The following CDH13 variants were observed in gnomAD, a reference collection of about 807,000 sequenced individuals.
CDH13 encodes cadherin 13, also known as cadherin-13.
A neutral mutation model predicts 63.8 loss-of-function variants in CDH13; 24 were observed. The ratio of observed to expected loss-of-function variants is 0.38; its 90% CI spans 0.27 to 0.53. The LOEUF (loss-of-function observed/expected upper bound fraction) is 0.53. Among genes scored for constraint, CDH13 ranks in the 20% least tolerant of loss-of-function variants. The pLI is 0.85. For synonymous variants in CDH13, 503 were observed against 355.3 expected (o/e 1.42, Z -4.67); for missense variants, 1,049 against 903.1 (o/e 1.16, Z -2.07).
intron 6 of CDH13, among the ~76,000 whole-genome samples, chr16:83,374,222 A>G (rs551407587): frequency 2.6e-5 from 4 of 152,344 alleles, no homozygotes; most frequent in East Asian, 1.9e-4. Flanking sequence ...AGAAAAGTCA[A>G]TAGTGTGCCC....
At chr16:83,120,290 G>A (rs2035506685) in intron 3 of CDH13, among the ~76,000 whole-genome samples, 1 of 152,208 alleles carries the variant, frequency 6.6e-6, no homozygotes, top group South Asian at 2.1e-4. Context: ...TGGAGTTGAT[G>A]AGCTGGTGAG....
intron 7 of CDH13, among the ~76,000 whole-genome samples, chr16:83,518,300 C>T (rs1370294615): frequency 6.6e-6 from 1 of 151,668 alleles, no homozygotes; most frequent in African/African-American, 2.4e-5. Context: ...CATGCCACCA[C>T]ACGTGGCTAA....
chr16:82,628,497 A>C (rs1907626255), intron 1 of CDH13, among the ~76,000 whole-genome samples: 1 of 152,110 alleles, frequency 6.6e-6, no homozygotes, highest in Non-Finnish European at 1.5e-5. Flanking sequence ...AAATGGGCTA[A>C]CATCTCAGAA....
At chr16:83,058,282 C>G (rs1052576064) in intron 3 of CDH13, among the ~76,000 whole-genome samples, 1 of 152,122 alleles carries the variant, frequency 6.6e-6, no homozygotes, top group East Asian at 1.9e-4. Flanking sequence ...CTGGATTTCG[C>G]TGCACTCATC....
intron 3 of CDH13, among the ~76,000 whole-genome samples, chr16:83,040,157 C>T (rs889271112): frequency 3.3e-5 from 5 of 151,958 alleles, no homozygotes; most frequent in Admixed American, 3.3e-4. Context: ...ACTACCTCTG[C>T]TCCAGGTTCC....
intron 8 of CDH13, among the ~76,000 whole-genome samples, chr16:83,656,588 G>A (rs1247048596): frequency 3.9e-5 from 6 of 152,172 alleles, no homozygotes; most frequent in Non-Finnish European, 8.8e-5. Flanking sequence ...GCCATGTTAA[G>A]AAAAAGTCAA....
At chr16:82,906,895 G>A (rs1476591559) in intron 2 of CDH13, among the ~76,000 whole-genome samples, 1 of 152,030 alleles carries the variant, frequency 6.6e-6, no homozygotes, top group East Asian at 1.9e-4. Context: ...ATGTGTTTTT[G>A]TAAGGACACC....
intron 4 of CDH13, among the ~76,000 whole-genome samples, chr16:83,189,786 C>T (rs895901195): frequency 6.6e-6 from 1 of 152,212 alleles, no homozygotes; most frequent in Non-Finnish European, 1.5e-5. Context: ...CCACCTAATT[C>T]TAACCTTGAA....
chr16:83,005,022 C>T (rs2151428083), intron 2 of CDH13, among the ~76,000 whole-genome samples: 1 of 152,288 alleles, frequency 6.6e-6, no homozygotes, highest in East Asian at 1.9e-4. Flanking sequence ...AGAAGTTTCT[C>T]CTAATGCTCC....
intron 4 of CDH13, among the ~76,000 whole-genome samples, chr16:83,178,389 C>G (rs1424091058): frequency 6.6e-6 from 1 of 152,186 alleles, no homozygotes; most frequent in Non-Finnish European, 1.5e-5. Context: ...TAGATCCTGT[C>G]TGAAGTCCCC....
At chr16:83,508,737 C>T (rs1203141468) in intron 7 of CDH13, among the ~76,000 whole-genome samples, 1 of 152,208 alleles carries the variant, frequency 6.6e-6, no homozygotes, top group African/African-American at 2.4e-5. Flanking sequence ...TCTCACTTCT[C>T]TTTCTCCCTC....
chr16:83,056,806 C>G (rs193030482), intron 3 of CDH13, among the ~76,000 whole-genome samples: 1 of 152,164 alleles, frequency 6.6e-6, no homozygotes, highest in Non-Finnish European at 1.5e-5. Flanking sequence ...ATAAGTCTCA[C>G]GAGATTTGAT....
chr16:83,707,282 G>T (rs116154325), intron 10 of CDH13, among the ~76,000 whole-genome samples: 1 of 152,144 alleles, frequency 6.6e-6, no homozygotes, highest in Admixed American at 6.5e-5. Flanking sequence ...CACTTTCGGT[G>T]AGTAGGAAGT....
intron 1 of CDH13, among the ~76,000 whole-genome samples, chr16:82,814,973 A>G (rs1295974450): frequency 6.6e-6 from 1 of 151,938 alleles, no homozygotes; most frequent in Non-Finnish European, 1.5e-5. Context: ...TGGTGTCAAA[A>G]CTGTTGAGTG....
intron 6 of CDH13, 75 bp from the exon 7 acceptor site, chr16:83,486,402 C>T (rs536753945): frequency 1.5e-6 from 2 of 1,304,812 alleles, no homozygotes; most frequent in Admixed American, 1.9e-5. Context: ...CTGCTATTGC[C>T]CAGGTGGGGA....
chr16:83,048,580 G>T (rs80308941), intron 3 of CDH13, among the ~76,000 whole-genome samples: 3,888 of 152,148 alleles, frequency 0.026, 165 homozygotes, highest in African/African-American at 0.087. Context: ...GGCCTTGCGG[G>T]TTCCTCTGCT....
intron 4 of CDH13, among the ~76,000 whole-genome samples, chr16:83,141,642 A>T (rs1008265327): frequency 6.6e-6 from 1 of 151,938 alleles, no homozygotes; most frequent in Non-Finnish European, 1.5e-5. Flanking sequence ...TGCATTAGGT[A>T]TTTGTCCTAA....
intron 1 of CDH13, among the ~76,000 whole-genome samples, chr16:82,751,116 G>C (rs1362022272): frequency 6.6e-6 from 1 of 152,072 alleles, no homozygotes; most frequent in African/African-American, 2.4e-5. Context: ...GTAATCTTCA[G>C]TATGTGCTTT....
At chr16:83,070,569 A>T (rs1274029837) in intron 3 of CDH13, among the ~76,000 whole-genome samples, 1 of 152,212 alleles carries the variant, frequency 6.6e-6, no homozygotes, top group Non-Finnish European at 1.5e-5. Flanking sequence ...AAGTTATTTT[A>T]GAAGTAAAAG....
Sources: gnomAD v4.1 joint callset for allele counts (sites outside exome capture counted in the v4.1 genomes callset) on GRCh38, gnomAD v4.1.1 for gene constraint, MANE v1.5 for transcripts, NCBI Gene and HGNC (gene_info 2026-07-23, HGNC 2026-07-21) for gene names.